Variants in CSMD3 observed in about 807,000 individuals in gnomAD.
CSMD3 encodes the protein CUB and sushi domain-containing protein 3.
In CSMD3, 177 loss-of-function variants were observed where a neutral mutation model predicts 435.2. The ratio of observed to expected loss-of-function variants is 0.41; its 90% CI spans 0.36 to 0.46. CSMD3 has a LOEUF of 0.46. Among genes scored for constraint, CSMD3 ranks in the 20% least tolerant of loss-of-function variants. CSMD3 has a pLI of 0.34. For missense variants in CSMD3, 4,265 were observed against 4,504.6 expected (o/e 0.95, Z 1.52); for synonymous variants, 1,656 against 1,520.5 (o/e 1.09, Z -2.07).
chr8:112,800,657 G>C (rs1230577496), intron 12 of CSMD3, among the ~76,000 whole-genome samples: 1 of 151,966 alleles, frequency 6.6e-6, no homozygotes, highest in Non-Finnish European at 1.5e-5. Flanking sequence ...CTTTGTTCTA[G>C]AGAAATATTG....
chr8:113,047,783 A>G (rs1402682573), intron 5 of CSMD3, among the ~76,000 whole-genome samples: 2 of 152,238 alleles, frequency 1.3e-5, no homozygotes, highest in Non-Finnish European at 2.9e-5. Context: ...ATTACTAATT[A>G]CATTGCTTAG....
intron 1 of CSMD3, 94 bp downstream of exon 1, chr8:113,436,583 C>T (rs1265794255): frequency 9.3e-5 from 100 of 1,078,258 alleles, no homozygotes; most frequent in Non-Finnish European, 2.3e-5. Flanking sequence ...ATTATTTTAT[C>T]GGTGCAAATT....
At position 113,393,474 on chromosome 8, in the gene CSMD3, T is replaced by A. The variant is rs1551958; in HGVS notation, c.178+43203A>T. ...CAAAATGGAGCTGGAGAAGTCATGA[T>A]GAACATATTTCATGATAAGGTACCT... is the stretch of plus-strand genomic sequence containing the variant. On this transcript the variant is annotated intron_variant, in intron 1 of 70. Transcript: ENST00000297405. 1.3e-5 allele frequency among the ~76,000 whole-genome samples: 2 copies of A among 151,816 alleles called. 1 individual carries two copies. The highest frequency in any genetic ancestry group is 4.1e-4 in the South Asian group (2 of 4,826).
At position 113,082,918 on chromosome 8, in the gene CSMD3, AAAATGAAT is replaced by A. The variant is rs1157173225; in HGVS notation, c.917+15830_917+15837del. On this transcript the variant is annotated intron_variant, in intron 5 of 70. Transcript: ENST00000297405. Reference sequence around the variant, plus strand: ...ACACTCAGACAAAAAAAATTACAAGAAAATGAATAAAGCCTACATGATATATGAGACAC... The same window carrying A: ...ACACTCAGACAAAAAAAATTACAAGAAAAGCCTACATGATATATGAGACAC... Among the ~76,000 whole-genome samples the A allele has an allele frequency of 1.1e-4, 17 of 152,304 alleles. No individual in the cohort carries two copies. In the South Asian group the frequency reaches 2.3e-3, roughly 20 times the overall value.
chr8:112,686,353 A>G (rs1019316713), intron 14 of CSMD3, among the ~76,000 whole-genome samples: 1 of 152,220 alleles, frequency 6.6e-6, no homozygotes, highest in Non-Finnish European at 1.5e-5. Context: ...TTTTAAAAAC[A>G]TGTGATTTGA....
At chr8:112,361,400 T>C (rs939669563) in intron 38 of CSMD3, among the ~76,000 whole-genome samples, 4 of 151,484 alleles carry the variant, frequency 2.6e-5, no homozygotes, top group Non-Finnish European at 4.4e-5. Context: ...ATTAAATCCT[T>C]ACTGCTTCAC....
intron 51 of CSMD3, 56 bp from the exon 52 acceptor site, chr8:112,304,971 T>C: frequency 3.1e-6 from 4 of 1,304,852 alleles, no homozygotes; most frequent in Non-Finnish European, 4.4e-6. Context: ...TCAACGTCTA[T>C]TCCATTCTTT....
chr8:112,694,666 T>C (rs2131844987), intron 13 of CSMD3, among the ~76,000 whole-genome samples: 1 of 152,230 alleles, frequency 6.6e-6, no homozygotes, highest in East Asian at 1.9e-4. Context: ...TTGGGTTTTT[T>C]TCCTATGCAG....
intron 1 of CSMD3, among the ~76,000 whole-genome samples, chr8:113,416,704 G>A (rs1332101586): frequency 6.6e-6 from 1 of 152,116 alleles, no homozygotes; most frequent in African/African-American, 2.4e-5. Flanking sequence ...CAAGGCAAGT[G>A]AAGAATGTTC....
chr8:112,716,822 G>A (rs1445763754), intron 13 of CSMD3, among the ~76,000 whole-genome samples: 1 of 152,102 alleles, frequency 6.6e-6, no homozygotes, highest in Non-Finnish European at 1.5e-5. Context: ...GCAAGCAATG[G>A]GTAAAGAATT....
intron 31 of CSMD3, among the ~76,000 whole-genome samples, chr8:112,484,612 C>T (rs571167347): frequency 8.6e-4 from 130 of 152,004 alleles, no homozygotes; most frequent in Middle Eastern, 6.8e-3. Context: ...GAATGGGGCA[C>T]ATCTTCGTAC....
chr8:113,384,566 TA>T (rs2094431484), intron 1 of CSMD3, among the ~76,000 whole-genome samples: 2 of 152,286 alleles, frequency 1.3e-5, no homozygotes, highest in East Asian at 1.9e-4. Context: ...ATAGAAGGCA[TA>T]GGTTCGCTGA....
At chr8:113,357,051 A>T (rs1304478336) in intron 1 of CSMD3, among the ~76,000 whole-genome samples, 1 of 152,308 alleles carries the variant, frequency 6.6e-6, no homozygotes, top group Non-Finnish European at 1.5e-5. Context: ...AAATGAAAAA[A>T]ATATATATAC....
intron 5 of CSMD3, among the ~76,000 whole-genome samples, chr8:113,051,865 C>G (rs1043995247): frequency 1.3e-5 from 2 of 152,096 alleles, no homozygotes; most frequent in Non-Finnish European, 2.9e-5. Flanking sequence ...AGGAAAAGAG[C>G]AAATGTGACA....
chr8:113,251,511 A>G (rs1035486201), intron 3 of CSMD3, among the ~76,000 whole-genome samples: 1 of 149,730 alleles, frequency 6.7e-6, no homozygotes, highest in Non-Finnish European at 1.5e-5. Flanking sequence ...TTATTAAGAC[A>G]TAAAAAATGT....
At chr8:112,608,304 T>C (rs1390976287) in intron 22 of CSMD3, among the ~76,000 whole-genome samples, 3 of 152,018 alleles carry the variant, frequency 2.0e-5, no homozygotes, top group East Asian at 1.9e-4. Flanking sequence ...ATTGAAGCTA[T>C]GAAAAAATTA....
intron 4 of CSMD3, among the ~76,000 whole-genome samples, chr8:113,154,449 G>GT (rs899810802): frequency 2.4e-4 from 36 of 151,724 alleles, no homozygotes; most frequent in African/African-American, 7.0e-4. Context: ...AAAACAATGT[G>GT]TTTTTTTTAA....
rs1385847894 is a variant in CSMD3 at position 112,492,577 on chromosome 8, A to G, written c.5190T>C (p.Gly1730=). ...GTGTTGAATAACCTTGAAGAACATA[A>G]CCAGCATCACAGTAATAGGTGACTG... The part of the protein sequence containing the change: ...GSTVTYYCDA[G]YVLQGYSTLT... The change falls in exon 31 of 71, where the codon GGT becomes GGC. Residue 1730 remains glycine (G), a synonymous_variant. Transcript: ENST00000297405. 6.2e-7 allele frequency: 1 copy of G among 1,613,618 alleles called. No homozygotes were observed. Among genetic ancestry groups the G allele is most frequent in the Non-Finnish European group, 8.5e-7 (1 of 1,179,646 alleles).
At chr8:113,415,419 A>G (rs535436581) in intron 1 of CSMD3, among the ~76,000 whole-genome samples, 3 of 152,322 alleles carry the variant, frequency 2.0e-5, no homozygotes, top group South Asian at 2.1e-4. Flanking sequence ...TATGATGAAC[A>G]CTAAAAAGAA....
Sources: allele counts gnomAD v4.1 joint callset (sites outside exome capture counted in the v4.1 genomes callset), GRCh38; gene constraint gnomAD v4.1.1; transcripts MANE v1.5; gene names NCBI Gene and HGNC (gene_info 2026-07-23, HGNC 2026-07-21).